Variants in AQR observed in about 807,000 individuals in gnomAD.
The protein encoded by AQR is aquarius intron-binding spliceosomal factor.
A neutral mutation model predicts 180.5 loss-of-function variants in AQR; 61 were observed. That is an observed-to-expected ratio of 0.34 (90% confidence interval 0.28 to 0.42). The LOEUF (loss-of-function observed/expected upper bound fraction) is 0.42, where lower values mean the gene tolerates loss of function less well. Among genes scored for constraint, AQR ranks in the 10% least tolerant of loss-of-function variants. The probability of loss-of-function intolerance (pLI) is 1.00; values close to 1 mark genes in which losing one functional copy is unlikely to be tolerated. For synonymous variants in AQR, 551 were observed against 588.8 expected (o/e 0.94, Z 0.93); for missense variants, 1,281 against 1,798.3 (o/e 0.71, Z 5.20).
rs910719982 is a variant in AQR, at chr15:34,900,763, T to C, written c.2102A>G (p.His701Arg). 4 of 1,614,094 alleles carry C rather than the reference T, an allele frequency of 2.5e-6. No homozygotes were observed. The highest frequency in any genetic ancestry group is 3.4e-6 in the Non-Finnish European group (4 of 1,180,030). Residue 701 changes from histidine (H) to arginine (R), a missense_variant, in exon 20 of 35, where the codon CAT (histidine) becomes CGT (arginine). Around this residue, in one of 9 missense-constraint regions of AQR, gnomAD observed 28 missense variants for 75.3 expected, o/e 0.37. Coordinates refer to ENST00000156471, the MANE Select transcript of AQR (RefSeq NM_014691.3). Reference protein sequence around the residue: ...ILGYGDPSSAHYSKMPNQIAT... With the variant: ...ILGYGDPSSARYSKMPNQIAT... ...AATCTGATTGGGCATTTTCGAATAATGTGCACTACTTGGGTCCCCATAACC... is the reference window on the plus strand; with the variant it reads ...AATCTGATTGGGCATTTTCGAATAACGTGCACTACTTGGGTCCCCATAACC...
At chr15:34,925,392 A>T (rs1893745249) in intron 13 of AQR, among the ~76,000 whole-genome samples, 1 of 152,258 alleles carries the variant, frequency 6.6e-6, no homozygotes, top group Non-Finnish European at 1.5e-5. Flanking sequence ...GTTTAAGTGT[A>T]AATTGATAGT....
chr15:34,904,322 T>C lies in AQR; in HGVS notation c.2001+14A>G. The C allele has an allele frequency of 6.5e-7, 1 of 1,547,478 alleles. No homozygotes were observed. The highest frequency in any genetic ancestry group is 8.8e-7 in the Non-Finnish European group (1 of 1,141,038). ...TTATGACATAGTACTTTTAGTTACA[T>C]ACCCCCAAATTACCTTAAAGTTATT... On this transcript the variant is annotated intron_variant, in intron 19 of 34. Transcript: ENST00000156471.
At chr15:34,868,818 T>C (rs1215895822) in intron 31 of AQR, 1 of 152,232 alleles carries the variant, frequency 6.6e-6, no homozygotes, top group Non-Finnish European at 1.5e-5. Context: ...TATATTCATG[T>C]ATGTGTACAT....
At chr15:34,952,611 G>T (rs902074134) in intron 4 of AQR, among the ~76,000 whole-genome samples, 3 of 152,180 alleles carry the variant, frequency 2.0e-5, no homozygotes, top group Non-Finnish European at 2.9e-5. Context: ...TATTTCCACT[G>T]ATCACTACAG....
intron 22 of AQR, among the ~76,000 whole-genome samples, chr15:34,896,614 G>A (rs1341714760): frequency 6.6e-6 from 1 of 151,358 alleles, no homozygotes; most frequent in East Asian, 1.9e-4. Flanking sequence ...TTGGGAGGCC[G>A]AGGCAGGTGG....
intron 2 of AQR, among the ~76,000 whole-genome samples, chr15:34,961,049 A>G (rs2050273223): frequency 6.6e-5 from 10 of 152,236 alleles, no homozygotes. Context: ...AGATTCATTA[A>G]AATGATGTGC....
intron 17 of AQR, among the ~76,000 whole-genome samples, chr15:34,909,254 T>C (rs1893462968): frequency 6.6e-6 from 1 of 152,166 alleles, no homozygotes; most frequent in Non-Finnish European, 1.5e-5. Flanking sequence ...GACTACTGTT[T>C]CTCAAAACAG....
chr15:34,860,024 C>A lies in AQR; in HGVS notation c.4143+18G>T. ...TTTCTACAGCAAGAAAAATAAAAGT[C>A]GATTTTGAGAAACTCACCTGATGAT... On this transcript the variant is annotated intron_variant, in intron 34 of 34. Coordinates refer to ENST00000156471, the MANE Select transcript of AQR (RefSeq NM_014691.3). The A allele has an allele frequency of 8.0e-7, 1 of 1,250,224 alleles. No homozygotes were observed. Among genetic ancestry groups the A allele is most frequent in the Non-Finnish European group, 1.1e-6 (1 of 941,084 alleles). 77.4% of individuals were successfully genotyped at this position (1,250,224 alleles called of 1,614,324 possible).
intron 10 of AQR, among the ~76,000 whole-genome samples, chr15:34,933,548 G>A (rs1201354452): frequency 6.6e-6 from 1 of 151,952 alleles, no homozygotes; most frequent in African/African-American, 2.4e-5. Context: ...TTAGAAAAGT[G>A]AGATTATTTA....
At chr15:34,859,609 A>C (rs1263360441) in intron 34 of AQR, among the ~76,000 whole-genome samples, 1 of 152,242 alleles carries the variant, frequency 6.6e-6, no homozygotes, top group Non-Finnish European at 1.5e-5. Flanking sequence ...ATAAGAATAC[A>C]TACTGTATGC....
intron 12 of AQR, among the ~76,000 whole-genome samples, chr15:34,929,179 A>G (rs1016805869): frequency 1.2e-4 from 18 of 152,034 alleles, no homozygotes; most frequent in African/African-American, 3.9e-4. Flanking sequence ...TGCTGTGCAG[A>G]AGCTCTTTAG....
At chr15:34,884,983 A>G (rs1260308184) in intron 25 of AQR, among the ~76,000 whole-genome samples, 1 of 152,192 alleles carries the variant, frequency 6.6e-6, no homozygotes, top group African/African-American at 2.4e-5. Context: ...AAAGAGCCTT[A>G]ACATCATCTC....
At position 34,932,453 on chromosome 15, in the gene AQR, A is replaced by G. The variant is rs757713069; in HGVS notation, c.784-19T>C. ...GCAGGGCCTGGGAAAAACAAACATC[A>G]TAACAGTAAGTTTGCATCTATTCTC... On this transcript the variant is annotated intron_variant, in intron 10 of 34. Transcript: ENST00000156471. The G allele has an allele frequency of 5.5e-5, 83 of 1,508,766 alleles. 1 individual carries two copies. In the South Asian group the frequency reaches 8.0e-4, roughly 15 times the overall value. The allele number at this position is 1,508,766 out of a possible 1,614,324, so 93.5% of individuals were successfully genotyped here.
At chr15:34,945,090 G>A (rs562146202) in intron 5 of AQR, among the ~76,000 whole-genome samples, 12 of 152,042 alleles carry the variant, frequency 7.9e-5, no homozygotes, top group South Asian at 2.1e-4. Flanking sequence ...TATCTAAACC[G>A]CAATATTCGT....
Position 34,857,014 on chromosome 15 carries a change from A to G in AQR, c.4236T>C (p.Thr1412=). Residue 1412 remains threonine (T), a synonymous_variant, in exon 35 of 35, where the codon ACT becomes ACC. Coordinates refer to ENST00000156471, the MANE Select transcript of AQR (RefSeq NM_014691.3). ...GACTGGGTATGATGTCAGCTTGAAC[A>G]GTCATGGCCTCTTCTTCTGTTTCCA... ...TELETEEEAM[T]VQADIIPSPT... 1 of 1,614,044 alleles carries G rather than the reference A, an allele frequency of 6.2e-7. No individual in the cohort carries two copies. The highest frequency in any genetic ancestry group is 8.5e-7 in the Non-Finnish European group (1 of 1,179,970).
At position 34,873,966 on chromosome 15, in the gene AQR, A is replaced by C. The variant is rs1566979877; in HGVS notation, c.3459T>G (p.Asn1153Lys). 1 of 1,610,128 alleles carries C rather than the reference A, an allele frequency of 6.2e-7. No homozygotes were observed. Among genetic ancestry groups the C allele is most frequent in the East Asian group, 2.2e-5 (1 of 44,756 alleles). ...GCTGCACATGGGGTAAGTTTCCTAG[A>C]TTCTTGTATCGCCAGTTGTAGAGGT... is the stretch of plus-strand genomic sequence containing the variant. ...LCNLYNWRYKNLGNLPHVQLL... is the reference protein window; with the variant it reads ...LCNLYNWRYKKLGNLPHVQLL... Residue 1153 changes from asparagine (N) to lysine (K), a missense_variant, in exon 30 of 35, where the codon AAT becomes AAG. By Grantham distance (94) the Asn-to-Lys change is moderately conservative. Coordinates refer to ENST00000156471, the MANE Select transcript of AQR (RefSeq NM_014691.3).
intron 22 of AQR, 32 bp from the exon 23 acceptor site, chr15:34,893,805 T>C (rs753111730): frequency 1.9e-6 from 3 of 1,569,238 alleles, no homozygotes; most frequent in Non-Finnish European, 2.6e-6. Context: ...AGCAAACTAC[T>C]AAGTCATCAC....
intron 31 of AQR, chr15:34,868,128 A>G (rs1892764258): frequency 6.5e-6 from 1 of 153,092 alleles, no homozygotes; most frequent in African/African-American, 2.4e-5. Context: ...CCCAGGAGTT[A>G]AAGACCAGCC....
At chr15:34,927,248 CTT>C in intron 12 of AQR, 110 bp from the exon 13 acceptor site, 1 of 553,850 alleles carries the variant, frequency 1.8e-6, no homozygotes, top group Non-Finnish European at 2.8e-6. Flanking sequence ...ATTTCTGTCT[CTT>C]ATATGCTTCT....
Sources: allele counts gnomAD v4.1 joint callset (sites outside exome capture counted in the v4.1 genomes callset), GRCh38; gene constraint gnomAD v4.1.1; regional missense constraint gnomAD v4.1.1; transcripts MANE v1.5; gene names NCBI Gene and HGNC (gene_info 2026-07-23, HGNC 2026-07-21).